The following GRID2 variants were observed in gnomAD, a reference collection of about 807,000 sequenced individuals.
GRID2 encodes the protein glutamate receptor ionotropic, delta-2.
Under a neutral mutation model 114.8 loss-of-function variants are expected in GRID2, and 33 were observed. That is an observed-to-expected ratio of 0.29 (90% CI 0.22 to 0.38). The LOEUF is 0.38. GRID2 is among the 10% of genes least tolerant of loss of function. The probability of loss-of-function intolerance (pLI) is 1.00; values close to 1 mark genes in which losing one functional copy is unlikely to be tolerated. For synonymous variants in GRID2, 505 were observed against 449.9 expected, an observed-to-expected ratio of 1.12 and a Z score of -1.55; for missense variants, 1,184 against 1,257.7, an observed-to-expected ratio of 0.94 and a Z score of 0.89.
At chr4:92,736,828 A>G (rs1017321541) in intron 2 of GRID2, among the ~76,000 whole-genome samples, 3 of 152,084 alleles carry the variant, frequency 2.0e-5, no homozygotes, top group Non-Finnish European at 4.4e-5. Context: ...GTTGAATTAT[A>G]TATGGTAAAG....
intron 8 of GRID2, among the ~76,000 whole-genome samples, chr4:93,332,458 A>G (rs1183596291): frequency 3.0e-5 from 4 of 133,790 alleles, no homozygotes; most frequent in Non-Finnish European, 1.5e-5. Context: ...TTTTCCAAAG[A>G]ATTTTAAGTT....
intron 4 of GRID2, among the ~76,000 whole-genome samples, chr4:93,172,872 A>T (rs992984696): frequency 1.3e-5 from 2 of 152,160 alleles, no homozygotes; most frequent in African/African-American, 4.8e-5. Context: ...AATGAGATTG[A>T]ATATTTGAAT....
At chr4:93,378,289 A>G (rs752574831) in intron 8 of GRID2, among the ~76,000 whole-genome samples, 2 of 152,164 alleles carry the variant, frequency 1.3e-5, no homozygotes, top group Admixed American at 1.3e-4. Flanking sequence ...TGGTTTCCAC[A>G]TAAAGTAATG....
intron 8 of GRID2, among the ~76,000 whole-genome samples, chr4:93,355,709 A>T (rs533750123): frequency 6.6e-6 from 1 of 152,162 alleles, no homozygotes; most frequent in Admixed American, 6.6e-5. Context: ...CACTATCTAG[A>T]ATTTGCTTGT....
At chr4:93,397,372 T>G (rs1765432425) in intron 9 of GRID2, among the ~76,000 whole-genome samples, 1 of 149,038 alleles carries the variant, frequency 6.7e-6, no homozygotes, top group African/African-American at 2.4e-5. Flanking sequence ...GACAGATATT[T>G]AAAGTACAGC....
intron 14 of GRID2, among the ~76,000 whole-genome samples, chr4:93,662,201 C>G (rs1258331205): frequency 6.6e-6 from 1 of 151,970 alleles, no homozygotes; most frequent in Non-Finnish European, 1.5e-5. Flanking sequence ...AAAATGTCAC[C>G]GTCTCACTGC....
chr4:93,239,041 G>T (rs901026856), intron 8 of GRID2, among the ~76,000 whole-genome samples: 1 of 150,428 alleles, frequency 6.6e-6, no homozygotes, highest in Non-Finnish European at 1.5e-5. Context: ...GAAATACTGG[G>T]ACAATAACTT....
intron 14 of GRID2, among the ~76,000 whole-genome samples, chr4:93,698,795 A>AGTG (rs1727262872): frequency 6.6e-6 from 1 of 152,108 alleles, no homozygotes; most frequent in Non-Finnish European, 1.5e-5. Context: ...TTCCACTAAA[A>AGTG]GAATCCTGTT....
At position 92,375,491 on chromosome 4, in the gene GRID2, G is replaced by T. The variant is rs866860844; in HGVS notation, c.88+70747G>T. Among the ~76,000 whole-genome samples the T allele has an allele frequency of 3.5e-4, 53 of 152,112 alleles. 1 individual carries two copies. On this transcript the variant is annotated intron_variant, in intron 1 of 15. Coordinates refer to ENST00000282020, the MANE Select transcript of GRID2 (RefSeq NM_001510.4). The stretch of plus-strand genomic sequence containing the variant: ...ATTATCAGTATTCATTTTGTTAAGA[G>T]AAAAAGAGAGGTTACTGATTAATGC...
At chr4:92,474,138 A>G (rs1722179288) in intron 1 of GRID2, among the ~76,000 whole-genome samples, 1 of 152,070 alleles carries the variant, frequency 6.6e-6, no homozygotes, top group South Asian at 2.1e-4. Flanking sequence ...CTTATGAATG[A>G]AAGTTTATAC....
chr4:93,463,350 T>C (rs2149423114), intron 11 of GRID2, among the ~76,000 whole-genome samples: 1 of 152,304 alleles, frequency 6.6e-6, no homozygotes, highest in East Asian at 1.9e-4. Flanking sequence ...TCCTAAGCAA[T>C]TATGCTATGA....
At chr4:92,526,749 C>A (rs1332842054) in intron 1 of GRID2, among the ~76,000 whole-genome samples, 1 of 151,840 alleles carries the variant, frequency 6.6e-6, no homozygotes, top group African/African-American at 2.4e-5. Context: ...CACACACACA[C>A]AAACACACGC....
At chr4:93,497,101 G>C (rs560536964) in intron 12 of GRID2, among the ~76,000 whole-genome samples, 4 of 151,288 alleles carry the variant, frequency 2.6e-5, no homozygotes, top group African/African-American at 9.7e-5. Context: ...GTCTCATTGT[G>C]GTTTTAATTT....
chr4:92,942,764 G>A (rs1332097145), intron 2 of GRID2, among the ~76,000 whole-genome samples: 1 of 152,112 alleles, frequency 6.6e-6, no homozygotes, highest in African/African-American at 2.4e-5. Flanking sequence ...GGGCAGGCCT[G>A]GTGTTGACAA....
intron 4 of GRID2, among the ~76,000 whole-genome samples, chr4:93,130,915 A>C (rs1734737092): frequency 6.6e-6 from 1 of 152,148 alleles, no homozygotes; most frequent in East Asian, 1.9e-4. Context: ...AGAACGACTG[A>C]AACAGTTCTC....
intron 2 of GRID2, among the ~76,000 whole-genome samples, chr4:92,867,585 T>G (rs72663599): frequency 7.0e-6 from 1 of 143,828 alleles, no homozygotes; most frequent in African/African-American, 2.6e-5. Flanking sequence ...TACTATTATT[T>G]TTTTTTTTTT....
chr4:93,579,591 G>C (rs934631936), intron 13 of GRID2, among the ~76,000 whole-genome samples: 1 of 152,134 alleles, frequency 6.6e-6, no homozygotes, highest in African/African-American at 2.4e-5. Context: ...ATGATAGAGG[G>C]GTAGTTGGTG....
At chr4:93,591,765 T>C (rs1469484292) in intron 13 of GRID2, among the ~76,000 whole-genome samples, 2 of 152,234 alleles carry the variant, frequency 1.3e-5, no homozygotes, top group Admixed American at 1.3e-4. Context: ...AGATTCAACT[T>C]CTTCCTGGCT....
At chr4:92,487,226 T>C (rs189597980) in intron 1 of GRID2, among the ~76,000 whole-genome samples, 31 of 152,186 alleles carry the variant, frequency 2.0e-4, no homozygotes, top group African/African-American at 6.7e-4. Flanking sequence ...AAGACTAATT[T>C]TTTAGACCTA....
Sources: gnomAD v4.1 joint callset for allele counts (sites outside exome capture counted in the v4.1 genomes callset) on GRCh38, gnomAD v4.1.1 for gene constraint, MANE v1.5 for transcripts, NCBI Gene and HGNC (gene_info 2026-07-23, HGNC 2026-07-21) for gene names.